CYP7B1: variants seen among roughly 807,000 people sequenced by gnomAD.
CYP7B1 encodes the protein cytochrome P450 family 7 subfamily B member 1.
Under a neutral mutation model 42.7 loss-of-function variants are expected in CYP7B1, and 29 were observed. That is an observed-to-expected ratio of 0.68 (90% confidence interval 0.51 to 0.93). The LOEUF is 0.93. Ranked by LOEUF, CYP7B1 falls within the 40% of genes least tolerant of loss-of-function variation. The probability of loss-of-function intolerance (pLI) is 0.00; values close to 1 mark genes in which losing one functional copy is unlikely to be tolerated. For synonymous variants in CYP7B1, 235 were observed against 218.2 expected (o/e 1.08, Z -0.68); for missense variants, 655 against 600.5 (o/e 1.09, Z -0.95).
chr8:64,743,914 T>C (rs1469565235), intron 1 of CYP7B1, among the ~76,000 whole-genome samples: 2 of 152,200 alleles, frequency 1.3e-5, no homozygotes, highest in Non-Finnish European at 2.9e-5. Context: ...AATCCAATAA[T>C]AAATAAAGTG....
Position 64,731,776 on chromosome 8 carries a change from C to G in CYP7B1, c.122+66690G>C, listed in dbSNP as rs528336436. 2.2e-3 allele frequency among the ~76,000 whole-genome samples: 338 copies of G among 152,280 alleles called. 2 individuals are homozygous for G. The highest frequency in any genetic ancestry group is 7.9e-3 in the African/African-American group (330 of 41,548). Reference sequence around the variant, plus strand: ...TCTTTAGATTTGGTGACATGGTGTCCTTGTGACATGGTGTCCGGTGTCCCA... The same window carrying G: ...TCTTTAGATTTGGTGACATGGTGTCGTTGTGACATGGTGTCCGGTGTCCCA... On this transcript the variant is annotated intron_variant, in intron 1 of 5. Coordinates refer to ENST00000310193, the MANE Select transcript of CYP7B1 (RefSeq NM_004820.5).
At chr8:64,757,974 C>T (rs755733871) in intron 1 of CYP7B1, among the ~76,000 whole-genome samples, 19 of 152,180 alleles carry the variant, frequency 1.2e-4, no homozygotes, top group Non-Finnish European at 2.2e-4. Flanking sequence ...GGGGCCATCT[C>T]CATAACACAC....
chr8:64,786,587 C>A (rs1008424616), intron 1 of CYP7B1, among the ~76,000 whole-genome samples: 2 of 152,190 alleles, frequency 1.3e-5, no homozygotes, highest in African/African-American at 4.8e-5. Flanking sequence ...GTACAGCCCC[C>A]CTCCCAGTTG....
At chr8:64,604,894 G>A in intron 4 of CYP7B1, 37 bp from the exon 5 acceptor site, 1 of 1,602,072 alleles carries the variant, frequency 6.2e-7, no homozygotes, top group Non-Finnish European at 8.5e-7. Context: ...TATTAAGATA[G>A]GGCTGGTCCT....
intron 1 of CYP7B1, among the ~76,000 whole-genome samples, chr8:64,682,721 G>A (rs533732957): frequency 6.6e-6 from 1 of 152,308 alleles, no homozygotes; most frequent in African/African-American, 2.4e-5. Flanking sequence ...GTCCAGGCTA[G>A]TTGCAACAGC....
rs144899270 is a variant in CYP7B1 at position 64,782,454 on chromosome 8, C to A, written c.122+16012G>T. On this transcript the variant is annotated intron_variant, in intron 1 of 5. Coordinates refer to ENST00000310193, the MANE Select transcript of CYP7B1 (RefSeq NM_004820.5). The stretch of plus-strand genomic sequence containing the variant: ...AGGAATGGGCCTTCATCAGACACAG[C>A]AACTGCTGGAACCTTCATCTAGGAC... Among the ~76,000 whole-genome samples the A allele has an allele frequency of 2.0e-4, 31 of 152,230 alleles. 1 individual carries two copies. In the East Asian group the frequency reaches 5.6e-3, roughly 27 times the overall value.
At chr8:64,746,212 G>A (rs1030293050) in intron 1 of CYP7B1, among the ~76,000 whole-genome samples, 9 of 152,098 alleles carry the variant, frequency 5.9e-5, no homozygotes, top group African/African-American at 2.2e-4. Flanking sequence ...GGTATGGGTA[G>A]TAATTCTGCA....
At chr8:64,604,569 A>C in intron 5 of CYP7B1, 113 bp downstream of exon 5, 1 of 1,114,834 alleles carries the variant, frequency 9.0e-7, no homozygotes, top group South Asian at 1.3e-5. Context: ...GAAGCCATCA[A>C]GCTGCCTCAA....
intron 1 of CYP7B1, among the ~76,000 whole-genome samples, chr8:64,741,700 C>A (rs1807571605): frequency 6.6e-6 from 1 of 152,182 alleles, no homozygotes; most frequent in Non-Finnish European, 1.5e-5. Context: ...TACTCTCATA[C>A]ATACCAGCAG....
At chr8:64,778,169 T>C (rs1804357274) in intron 1 of CYP7B1, among the ~76,000 whole-genome samples, 1 of 69,672 alleles carries the variant, frequency 1.4e-5, no homozygotes, top group African/African-American at 5.0e-5. Flanking sequence ...GTAGAACTAG[T>C]TTGAAATATA....
chr8:64,656,441 A>G (rs531282694), intron 1 of CYP7B1, among the ~76,000 whole-genome samples: 2 of 152,332 alleles, frequency 1.3e-5, no homozygotes, highest in Non-Finnish European at 2.9e-5. Context: ...CAACATTGCT[A>G]CTACACCCTC....
In CYP7B1 at chr8:64,599,064, A is replaced by G. The variant is rs929401256; in HGVS notation, c.1234-2135T>C. ...TTTAGCTGAAAAAGGAAGGGGTATA[A>G]TAATCTCACCACTGAGATTCTGGGG... On this transcript the variant is annotated intron_variant, in intron 5 of 5. Coordinates refer to ENST00000310193, the MANE Select transcript of CYP7B1 (RefSeq NM_004820.5). 9.9e-5 allele frequency among the ~76,000 whole-genome samples: 15 copies of G among 152,234 alleles called. 1 individual carries two copies. The highest frequency in any genetic ancestry group is 9.2e-4 in the Admixed American group (14 of 15,282).
At position 64,695,987 on chromosome 8, in the gene CYP7B1, A is replaced by T. The variant is rs184752422; in HGVS notation, c.123-71448T>A. Among the ~76,000 whole-genome samples the T allele has an allele frequency of 1.8e-4, 27 of 152,322 alleles. 2 individuals are homozygous for T. In the East Asian group the frequency reaches 2.7e-3, roughly 15 times the overall value. On this transcript the variant is annotated intron_variant, in intron 1 of 5. Coordinates refer to ENST00000310193, the MANE Select transcript of CYP7B1 (RefSeq NM_004820.5). ...TTAAATTATCTAAATGTATATGATA[A>T]ATAGAACAGTTATAATTCTTATAAT... is the stretch of plus-strand genomic sequence containing the variant.
At chr8:64,645,731 C>T (rs886594035) in intron 1 of CYP7B1, among the ~76,000 whole-genome samples, 5 of 152,060 alleles carry the variant, frequency 3.3e-5, no homozygotes, top group African/African-American at 1.2e-4. Context: ...AAAGAGCCCA[C>T]ATCGCCAAGC....
intron 1 of CYP7B1, among the ~76,000 whole-genome samples, chr8:64,658,935 C>T (rs1806161245): frequency 6.6e-6 from 1 of 152,154 alleles, no homozygotes; most frequent in African/African-American, 2.4e-5. Context: ...AACTGCACAC[C>T]TGCATGAACA....
At chr8:64,602,321 A>C (rs1157294666) in intron 5 of CYP7B1, among the ~76,000 whole-genome samples, 1 of 152,200 alleles carries the variant, frequency 6.6e-6, no homozygotes, top group East Asian at 1.9e-4. Flanking sequence ...ATTCCTGTGG[A>C]GTAGTTTGGT....
At chr8:64,643,702 C>G (rs1805903318) in intron 1 of CYP7B1, among the ~76,000 whole-genome samples, 1 of 152,212 alleles carries the variant, frequency 6.6e-6, no homozygotes, top group African/African-American at 2.4e-5. Flanking sequence ...TTCGCTCAAA[C>G]CCTGTTGCTG....
At chr8:64,707,249 T>C (rs1807013779) in intron 1 of CYP7B1, among the ~76,000 whole-genome samples, 1 of 152,044 alleles carries the variant, frequency 6.6e-6, no homozygotes, top group Non-Finnish European at 1.5e-5. Flanking sequence ...ACAATGTCAT[T>C]TCCCAAATTC....
At chr8:64,717,800 T>C (rs1220558235) in intron 1 of CYP7B1, among the ~76,000 whole-genome samples, 1 of 151,628 alleles carries the variant, frequency 6.6e-6, no homozygotes, top group East Asian at 1.9e-4. Flanking sequence ...TAAGGTGAGA[T>C]TGCACCACTG....
Sources: gnomAD v4.1 joint callset for allele counts (sites outside exome capture counted in the v4.1 genomes callset) on GRCh38, gnomAD v4.1.1 for gene constraint, MANE v1.5 for transcripts, NCBI Gene and HGNC (gene_info 2026-07-23, HGNC 2026-07-21) for gene names.